The following NF2 variants were observed in gnomAD, a reference collection of about 807,000 sequenced individuals.
The protein encoded by NF2 is merlin.
A neutral mutation model predicts 83.7 loss-of-function variants in NF2; 8 were observed. The ratio of observed to expected loss-of-function variants is 0.10; its 90% CI spans 0.06 to 0.17. The LOEUF is 0.17. NF2 is among the 10% of genes least tolerant of loss of function. NF2 has a pLI of 1.00. For synonymous variants in NF2, 266 were observed against 269.6 expected, an observed-to-expected ratio of 0.99 and a Z score of 0.13; for missense variants, 533 against 744.4, an observed-to-expected ratio of 0.72 and a Z score of 3.31.
intron 12 of NF2, 106 bp from the exon 13 acceptor site, chr22:29,674,730 C>T (rs1455659708): frequency 2.2e-6 from 2 of 908,824 alleles, no homozygotes; most frequent in Non-Finnish European, 3.6e-6. Context: ...TCTTTGGGTG[C>T]CATCCTCAGG....
chr22:29,684,539 G>A (rs947904710), intron 15 of NF2, among the ~76,000 whole-genome samples: 3 of 152,156 alleles, frequency 2.0e-5, no homozygotes, highest in Non-Finnish European at 2.9e-5. Context: ...TCCTGATTTT[G>A]ACTGTCATTT....
chr22:29,613,322 G>A (rs2065001783), intron 1 of NF2, among the ~76,000 whole-genome samples: 1 of 152,122 alleles, frequency 6.6e-6, no homozygotes, highest in Admixed American at 6.6e-5. Context: ...TTGAGGACAG[G>A]AGTTCGAGAC....
intron 1 of NF2, among the ~76,000 whole-genome samples, chr22:29,625,520 C>T (rs1300409398): frequency 6.6e-6 from 1 of 152,182 alleles, no homozygotes; most frequent in African/African-American, 2.4e-5. Context: ...CTCAGAGCTG[C>T]TAATCTTTCT....
intron 1 of NF2, among the ~76,000 whole-genome samples, chr22:29,633,766 C>T (rs2146835410): frequency 6.6e-6 from 1 of 152,354 alleles, no homozygotes; most frequent in Non-Finnish European, 1.5e-5. Context: ...ATTTCCTTCT[C>T]TCCTGCATCT....
chr22:29,677,486 C>T (rs1354012051), intron 13 of NF2, among the ~76,000 whole-genome samples: 1 of 150,750 alleles, frequency 6.6e-6, no homozygotes, highest in African/African-American at 2.4e-5. Flanking sequence ...ACCCTTTGTG[C>T]TGGGATGAAA....
chr22:29,676,403 C>G (rs950354394), intron 13 of NF2, among the ~76,000 whole-genome samples: 5 of 151,998 alleles, frequency 3.3e-5, no homozygotes, highest in African/African-American at 9.7e-5. Context: ...CTCAAACTCC[C>G]GAGCTCAAGT....
chr22:29,619,431 C>G (rs1215793032), intron 1 of NF2, among the ~76,000 whole-genome samples: 4 of 150,940 alleles, frequency 2.7e-5, no homozygotes, highest in African/African-American at 9.8e-5. Flanking sequence ...GAGTCTCGCT[C>G]TGTTGCCCAG....
chr22:29,661,394 C>T (rs1054607913), intron 8 of NF2, 55 bp downstream of exon 8: 2 of 1,607,874 alleles, frequency 1.2e-6, no homozygotes, highest in Non-Finnish European at 1.7e-6. Flanking sequence ...TGTCTGCCCC[C>T]CTCACTGGAG....
intron 3 of NF2, among the ~76,000 whole-genome samples, chr22:29,641,575 T>G (rs1431705108): frequency 1.3e-5 from 2 of 152,340 alleles, no homozygotes; most frequent in Non-Finnish European, 1.5e-5. Flanking sequence ...GTTGTCTTGC[T>G]TCTGTGTCTG....
At position 29,681,372 on chromosome 22, in the gene NF2, G is replaced by A. The variant is rs140086; in HGVS notation, c.1575-67G>A. ...TCGCACACCAAGCAGCTTGTGGGCC[G>A]CAGAGCACCTGAGCCGTGTCTCACT... On this transcript the variant is annotated intron_variant, in intron 14 of 15. Transcript: ENST00000338641. 1,601,388 of 1,601,428 alleles carry A rather than the reference G, an allele frequency of 1. 800,674 individuals are homozygous for A. Among genetic ancestry groups the A allele is most frequent in the Middle Eastern group, 1 (5,304 of 5,304 alleles).
At chr22:29,683,279 G>A (rs773490187) in intron 15 of NF2, 917 of 1,461,400 alleles carry the variant, frequency 6.3e-4, no homozygotes, top group Non-Finnish European at 7.7e-4. Context: ...AGACTGCCTC[G>A]TTCCGAAGAG....
At chr22:29,621,185 A>G (rs2065209489) in intron 1 of NF2, among the ~76,000 whole-genome samples, 1 of 152,164 alleles carries the variant, frequency 6.6e-6, no homozygotes, top group African/African-American at 2.4e-5. Context: ...TCTTAACTCA[A>G]GCTTCAGTTT....
chr22:29,629,990 G>A (rs1381528336), intron 1 of NF2, among the ~76,000 whole-genome samples: 1 of 152,162 alleles, frequency 6.6e-6, no homozygotes, highest in African/African-American at 2.4e-5. Context: ...GCCTTTTCCT[G>A]TCATGGGTCT....
intron 6 of NF2, among the ~76,000 whole-genome samples, chr22:29,657,261 T>C (rs973986410): frequency 1.4e-4 from 22 of 152,190 alleles, no homozygotes; most frequent in African/African-American, 5.3e-4. Context: ...CTCAGCATCA[T>C]GTTGTCAGAT....
At position 29,644,017 on chromosome 22, in the gene NF2, G is replaced by T. The variant is rs975360427; in HGVS notation, c.447+1732G>T. ...GACGGGGCGGCTGGCCTGGCCGGGG[G>T]GCTGACCCCCCCACCTCCCTCCCGG... On this transcript the variant is annotated intron_variant, in intron 4 of 15. Transcript: ENST00000338641. Among the ~76,000 whole-genome samples the T allele has an allele frequency of 2.0e-5, 3 of 150,954 alleles. 1 individual carries two copies.
At chr22:29,622,987 C>G (rs990401829) in intron 1 of NF2, among the ~76,000 whole-genome samples, 1 of 108,836 alleles carries the variant, frequency 9.2e-6, no homozygotes, top group Non-Finnish European at 1.7e-5. Context: ...GAGATGGGGT[C>G]TCACTCAGAC....
At chr22:29,692,985 G>A (rs2067448038) in intron 15 of NF2, among the ~76,000 whole-genome samples, 1 of 152,228 alleles carries the variant, frequency 6.6e-6, no homozygotes, top group Non-Finnish European at 1.5e-5. Flanking sequence ...GCTGGGCCTT[G>A]CACCAGGCAG....
intron 15 of NF2, among the ~76,000 whole-genome samples, chr22:29,688,600 C>T (rs927850489): frequency 5.9e-5 from 9 of 152,338 alleles, no homozygotes; most frequent in African/African-American, 1.2e-4. Flanking sequence ...AGGGCCCCGC[C>T]GGCCAGTGCC....
chr22:29,623,045 G>T (rs1386796116), intron 1 of NF2, among the ~76,000 whole-genome samples: 1 of 150,304 alleles, frequency 6.7e-6, no homozygotes, highest in African/African-American at 2.5e-5. Context: ...TGACCTGCTG[G>T]GCTCAAGTGA....
Sources: allele counts gnomAD v4.1 joint callset (sites outside exome capture counted in the v4.1 genomes callset), GRCh38; gene constraint gnomAD v4.1.1; transcripts MANE v1.5; gene names NCBI Gene and HGNC (gene_info 2026-07-23, HGNC 2026-07-21).